SCTR: variants seen among roughly 807,000 people sequenced by gnomAD.
SCTR encodes secretin receptor, also known as pancreatic secretin receptor.
A neutral mutation model predicts 60.8 loss-of-function variants in SCTR; 56 were observed. That is an observed-to-expected ratio of 0.92 (90% CI 0.74 to 1.15). The LOEUF (loss-of-function observed/expected upper bound fraction) is 1.15. Among genes scored for constraint, SCTR ranks in the 50% most tolerant of loss-of-function variants. The pLI, the probability that SCTR is intolerant of heterozygous loss-of-function variation, is 0.00. For missense variants in SCTR, 562 were observed against 550.4 expected (o/e 1.02, Z -0.21); for synonymous variants, 202 against 217.0 (o/e 0.93, Z 0.61).
At chr2:119,523,843 G>A (rs1459612538) in intron 1 of SCTR, among the ~76,000 whole-genome samples, 1 of 152,184 alleles carries the variant, frequency 6.6e-6, no homozygotes, top group Non-Finnish European at 1.5e-5. Context: ...AGTAGGCACT[G>A]CCACGGGCGG....
chr2:119,494,363 C>G (rs1353456317), intron 2 of SCTR, 65 bp downstream of exon 2: 20 of 1,569,400 alleles, frequency 1.3e-5, no homozygotes, highest in Middle Eastern at 2.1e-4. Context: ...TAAGCTCCCC[C>G]TGCCCAGCAG....
chr2:119,453,937 G>A (rs1326347069), intron 7 of SCTR, among the ~76,000 whole-genome samples: 1 of 152,162 alleles, frequency 6.6e-6, no homozygotes, highest in Non-Finnish European at 1.5e-5. Flanking sequence ...AACATTTCCT[G>A]ACTTCTAGTT....
chr2:119,494,197 C>T lies in SCTR; in HGVS notation c.193+231G>A, dbSNP rs1678257062. The stretch of plus-strand genomic sequence containing the variant: ...GAAGCTGATGATAGGAAAACACCGG[C>T]TATGTTTACTTGCCCAGAGAAAGGA... On this transcript the variant is annotated intron_variant, in intron 2 of 12. Transcript: ENST00000019103. Among the ~76,000 whole-genome samples the T allele has an allele frequency of 3.3e-5, 5 of 152,312 alleles. No homozygotes were observed. The South Asian group carries it at 1.0e-3, about 32-fold the overall frequency.
In SCTR at chr2:119,515,783, G is replaced by A. The variant is rs576236577; in HGVS notation, c.72+8372C>T. 2.2e-4 allele frequency among the ~76,000 whole-genome samples: 33 copies of A among 152,302 alleles called. 1 individual carries two copies. In the South Asian group the frequency reaches 6.6e-3, roughly 31 times the overall value. On this transcript the variant is annotated intron_variant, in intron 1 of 12. Transcript: ENST00000019103. The stretch of plus-strand genomic sequence containing the variant: ...GAACCACGTTGGCCTGAGCCATGTT[G>A]CTGGCAAGATGGAAAGGAAGGAGGT...
intron 11 of SCTR, among the ~76,000 whole-genome samples, chr2:119,442,546 G>A (rs1022289678): frequency 6.6e-6 from 1 of 152,212 alleles, no homozygotes; most frequent in Non-Finnish European, 1.5e-5. Context: ...TCAGCTCATC[G>A]ATGGTGGGCT....
At position 119,524,171 on chromosome 2, in the gene SCTR, G is replaced by T; in HGVS notation, c.56C>A (p.Ala19Asp). Residue 19 changes from alanine (A) to aspartate (D), a missense_variant, in exon 1 of 13, where the codon GCC (alanine) becomes GAC (aspartate). Coordinates refer to ENST00000019103, the MANE Select transcript of SCTR (RefSeq NM_002980.3). ...LQQLLLPVLLACAAHSTGALP... is the reference protein window; with the variant it reads ...LQQLLLPVLLDCAAHSTGALP... Reference sequence around the variant, plus strand: ...AGTACTCACCGAGTGCGCGGCGCAGGCGAGCAGCACCGGCAGTAGTAGCTG... The same window carrying T: ...AGTACTCACCGAGTGCGCGGCGCAGTCGAGCAGCACCGGCAGTAGTAGCTG... 6.5e-7 allele frequency: 1 copy of T among 1,536,660 alleles called. No individual in the cohort carries two copies. Among genetic ancestry groups the T allele is most frequent in the African/African-American group, 1.4e-5 (1 of 71,308 alleles).
In SCTR at chr2:119,453,283, T is replaced by A; in HGVS notation, c.851+4A>T. The stretch of plus-strand genomic sequence containing the variant: ...TTCTTGTTATCCTCCTTCCGTTAGC[T>A]TACCCAACATCTTCCAGAAAGTGTC... On this transcript the variant is annotated splice_donor_region_variant and intron_variant, in intron 8 of 12. Transcript: ENST00000019103. 6.2e-7 allele frequency: 1 copy of A among 1,604,536 alleles called. No individual in the cohort carries two copies. The highest frequency in any genetic ancestry group is 1.1e-5 in the South Asian group (1 of 90,866).
At chr2:119,458,790 A>G (rs1330034993) in intron 7 of SCTR, among the ~76,000 whole-genome samples, 6 of 152,182 alleles carry the variant, frequency 3.9e-5, no homozygotes, top group African/African-American at 1.4e-4. Context: ...ACCTGGGAAC[A>G]CGTCAGAAAT....
chr2:119,522,250 C>T (rs1472946787), intron 1 of SCTR, among the ~76,000 whole-genome samples: 8 of 151,712 alleles, frequency 5.3e-5, no homozygotes, highest in Admixed American at 4.6e-4. Flanking sequence ...AAGCCAAGAT[C>T]GCGCCACTGC....
At chr2:119,474,965 T>C (rs1435916309) in intron 3 of SCTR, among the ~76,000 whole-genome samples, 1 of 152,232 alleles carries the variant, frequency 6.6e-6, no homozygotes, top group Non-Finnish European at 1.5e-5. Flanking sequence ...TCTTGGTCAC[T>C]GTGTGACCTT....
chr2:119,482,582 C>G (rs1677672179), intron 2 of SCTR, among the ~76,000 whole-genome samples: 1 of 152,318 alleles, frequency 6.6e-6, no homozygotes, highest in South Asian at 2.1e-4. Flanking sequence ...AGAAGCTTCA[C>G]CTGCAAGAGG....
intron 2 of SCTR, among the ~76,000 whole-genome samples, chr2:119,481,740 G>T (rs1677615573): frequency 6.6e-6 from 1 of 152,222 alleles, no homozygotes; most frequent in Non-Finnish European, 1.5e-5. Flanking sequence ...CCTACGATGG[G>T]CCAGGCATAG....
intron 1 of SCTR, among the ~76,000 whole-genome samples, chr2:119,523,469 T>C (rs942137097): frequency 1.3e-5 from 2 of 150,764 alleles, no homozygotes; most frequent in African/African-American, 4.9e-5. Flanking sequence ...TGCCAGGACC[T>C]GGCTTTGGGG....
At chr2:119,458,069 G>A (rs188773280) in intron 7 of SCTR, among the ~76,000 whole-genome samples, 376 of 152,262 alleles carry the variant, frequency 2.5e-3, no homozygotes, top group Middle Eastern at 0.01. Flanking sequence ...TGAGGCAGGA[G>A]GATCACTTGA....
chr2:119,454,090 G>A (rs1455837507), intron 7 of SCTR, among the ~76,000 whole-genome samples: 2 of 152,150 alleles, frequency 1.3e-5, no homozygotes, highest in Non-Finnish European at 2.9e-5. Context: ...ACGGCAACAC[G>A]CTTAGGCACA....
At chr2:119,442,969 G>A (rs72833263) in intron 11 of SCTR, among the ~76,000 whole-genome samples, 2,478 of 152,174 alleles carry the variant, frequency 0.016, 25 homozygotes, top group South Asian at 0.054. Flanking sequence ...CAAAGCTCTC[G>A]GAGGCAGGTG....
chr2:119,514,038 C>A (rs543477937), intron 1 of SCTR, among the ~76,000 whole-genome samples: 2 of 152,288 alleles, frequency 1.3e-5, no homozygotes, highest in African/African-American at 4.8e-5. Flanking sequence ...GGTGTATCAC[C>A]CTTTGTCTCA....
Position 119,505,287 on chromosome 2 carries a change from C to T in SCTR, c.73-10739G>A, listed in dbSNP as rs548669866. On this transcript the variant is annotated intron_variant, in intron 1 of 12. Coordinates refer to ENST00000019103, the MANE Select transcript of SCTR (RefSeq NM_002980.3). ...AAAGACTTGGAACCAACCCAAATGT[C>T]CAACAATGATAGACTAGATTAAAAA... Among the ~76,000 whole-genome samples the T allele has an allele frequency of 1.6e-4, 20 of 128,958 alleles. No individual in the cohort carries two copies. In the East Asian group the frequency reaches 4.5e-3, roughly 29 times the overall value. The allele number at this position is 128,958 out of a possible 152,430, so 84.6% of individuals were successfully genotyped here.
chr2:119,440,892 T>C (rs770118468), intron 12 of SCTR, among the ~76,000 whole-genome samples: 58 of 152,358 alleles, frequency 3.8e-4, no homozygotes, highest in African/African-American at 1.3e-3. Flanking sequence ...ATTTGATTTT[T>C]GGGAAACATC....
Sources: allele counts gnomAD v4.1 joint callset (sites outside exome capture counted in the v4.1 genomes callset), GRCh38; gene constraint gnomAD v4.1.1; transcripts MANE v1.5; gene names NCBI Gene and HGNC (gene_info 2026-07-23, HGNC 2026-07-21).